ERG: variants seen among roughly 807,000 people sequenced by gnomAD.
ERG encodes the protein transcriptional regulator ERG.
In ERG, 9 loss-of-function variants were observed where a neutral mutation model predicts 55.3. The observed-to-expected ratio is 0.16, with a 90% CI of 0.10 to 0.28. ERG has a LOEUF of 0.28. ERG is among the 10% of genes least tolerant of loss of function. The probability of loss-of-function intolerance (pLI) is 1.00; values close to 1 mark genes in which losing one functional copy is unlikely to be tolerated. For synonymous variants in ERG, 223 were observed against 237.3 expected, an observed-to-expected ratio of 0.94 and a Z score of 0.55; for missense variants, 434 against 631.6, an observed-to-expected ratio of 0.69 and a Z score of 3.35.
At chr21:38,617,751 T>C (rs921272352) in intron 1 of ERG, among the ~76,000 whole-genome samples, 12 of 152,230 alleles carry the variant, frequency 7.9e-5, no homozygotes, top group African/African-American at 2.9e-4. Context: ...CTGCTGTTTC[T>C]GTACCATCCC....
intron 9 of ERG, among the ~76,000 whole-genome samples, chr21:38,390,279 G>C (rs753240906): frequency 4.6e-5 from 7 of 152,220 alleles, no homozygotes; most frequent in Non-Finnish European, 8.8e-5. Context: ...TTCAGAAACA[G>C]ACCATCGAAG....
intron 2 of ERG, among the ~76,000 whole-genome samples, chr21:38,547,537 A>T (rs1292390642): frequency 1.3e-5 from 2 of 152,206 alleles, no homozygotes; most frequent in African/African-American, 4.8e-5. Flanking sequence ...AAAGATGAAC[A>T]GTGACCTGCA....
At chr21:38,524,148 T>C (rs2059614100) in intron 2 of ERG, among the ~76,000 whole-genome samples, 1 of 152,200 alleles carries the variant, frequency 6.6e-6, no homozygotes, top group Admixed American at 6.5e-5. Flanking sequence ...AGCTAGACAG[T>C]GACACACTGC....
chr21:38,511,792 T>C (rs1354768602), intron 2 of ERG, among the ~76,000 whole-genome samples: 2 of 152,126 alleles, frequency 1.3e-5, no homozygotes, highest in Non-Finnish European at 2.9e-5. Flanking sequence ...TAATTATCTG[T>C]TGTGGGGGCT....
intron 1 of ERG, among the ~76,000 whole-genome samples, chr21:38,609,770 C>G (rs1234126875): frequency 1.3e-5 from 2 of 152,090 alleles, no homozygotes; most frequent in African/African-American, 4.8e-5. Flanking sequence ...GAAAACACAC[C>G]CATTTCTGGA....
chr21:38,640,953 G>C (rs1227419958), intron 1 of ERG, among the ~76,000 whole-genome samples: 1 of 152,180 alleles, frequency 6.6e-6, no homozygotes, highest in Non-Finnish European at 1.5e-5. Context: ...CTATGTATTA[G>C]CATGAGAAAT....
At chr21:38,656,432 T>G (rs1209503675) in intron 1 of ERG, among the ~76,000 whole-genome samples, 1 of 152,218 alleles carries the variant, frequency 6.6e-6, no homozygotes, top group Non-Finnish European at 1.5e-5. Context: ...CAGATGGAGA[T>G]TCACAACACC....
intron 9 of ERG, among the ~76,000 whole-genome samples, chr21:38,389,075 G>A (rs566384160): frequency 6.6e-6 from 1 of 152,084 alleles, no homozygotes; most frequent in African/African-American, 2.4e-5. Flanking sequence ...CAGATTCATC[G>A]CCTGCACCTA....
At position 38,394,202 on chromosome 21, in the gene ERG, C is replaced by G. The variant is rs1223798350; in HGVS notation, c.746-1758G>C. 3.3e-5 allele frequency among the ~76,000 whole-genome samples: 5 copies of G among 152,208 alleles called. No homozygotes were observed. The East Asian group carries it at 7.7e-4, about 24-fold the overall frequency. ...CTTCTATTTACCAAATGAAAAAAAG[C>G]AAGATAATACAGAAATACAGAAATA... On this transcript the variant is annotated intron_variant, in intron 6 of 9. Transcript: ENST00000288319.
At chr21:38,593,195 C>G (rs1353996522) in intron 1 of ERG, among the ~76,000 whole-genome samples, 1 of 152,214 alleles carries the variant, frequency 6.6e-6, no homozygotes, top group African/African-American at 2.4e-5. Context: ...GAACCAGGGT[C>G]TGCCTGGGGC....
At chr21:38,528,172 C>T (rs1405210913) in intron 2 of ERG, among the ~76,000 whole-genome samples, 2 of 152,182 alleles carry the variant, frequency 1.3e-5, no homozygotes, top group Non-Finnish European at 2.9e-5. Context: ...CTGTCTGTCT[C>T]CAAATTTCCT....
chr21:38,461,841 G>A (rs1164616592), intron 1 of ERG, among the ~76,000 whole-genome samples: 2 of 152,172 alleles, frequency 1.3e-5, no homozygotes, highest in African/African-American at 2.4e-5. Context: ...TTTCACTCTT[G>A]TCACCCAGGC....
intron 2 of ERG, among the ~76,000 whole-genome samples, chr21:38,543,141 A>G (rs1339378414): frequency 2.0e-5 from 3 of 152,214 alleles, no homozygotes; most frequent in South Asian, 2.1e-4. Flanking sequence ...ATTATGCAGA[A>G]TAAGTATACT....
intron 1 of ERG, chr21:38,471,517 A>G (rs994965351): frequency 5.3e-5 from 8 of 152,246 alleles, no homozygotes; most frequent in African/African-American, 1.9e-4. Flanking sequence ...ATCCAGTTAC[A>G]TAAATCATTT....
At chr21:38,583,878 C>T (rs1315203139) in intron 1 of ERG, among the ~76,000 whole-genome samples, 2 of 152,200 alleles carry the variant, frequency 1.3e-5, no homozygotes, top group Non-Finnish European at 2.9e-5. Flanking sequence ...CTTGGACATC[C>T]AGCCTCCGGA....
chr21:38,549,411 C>G (rs934125642), intron 2 of ERG, among the ~76,000 whole-genome samples: 1 of 152,158 alleles, frequency 6.6e-6, no homozygotes, highest in African/African-American at 2.4e-5. Flanking sequence ...CTTACTTCAC[C>G]GAAATCTACA....
intron 2 of ERG, among the ~76,000 whole-genome samples, chr21:38,551,974 T>C (rs1302745474): frequency 6.6e-6 from 1 of 152,160 alleles, no homozygotes; most frequent in Non-Finnish European, 1.5e-5. Flanking sequence ...TATGGTTATC[T>C]AAGTCTCTCA....
chr21:38,582,871 C>T (rs8129924), intron 1 of ERG, among the ~76,000 whole-genome samples: 4,669 of 152,200 alleles, frequency 0.031, 254 homozygotes, highest in African/African-American at 0.11. Flanking sequence ...CTCAGCCTCC[C>T]GAGCAGCTGG....
chr21:38,604,231 GC>G (rs2060183202), intron 1 of ERG, among the ~76,000 whole-genome samples: 2 of 149,244 alleles, frequency 1.3e-5, no homozygotes, highest in African/African-American at 2.5e-5. Context: ...TCCAGCCTGG[GC>G]GACAGAGCGA....
Sources: gnomAD v4.1 joint callset for allele counts (sites outside exome capture counted in the v4.1 genomes callset) on GRCh38, gnomAD v4.1.1 for gene constraint, MANE v1.5 for transcripts, NCBI Gene and HGNC (gene_info 2026-07-23, HGNC 2026-07-21) for gene names.